MDGA2: variants seen among roughly 807,000 people sequenced by gnomAD.
MDGA2 encodes MAM domain containing glycosylphosphatidylinositol anchor 2, also known as MAM domain-containing glycosylphosphatidylinositol anchor protein 2.
A neutral mutation model predicts 117.8 loss-of-function variants in MDGA2; 40 were observed. The ratio of observed to expected loss-of-function variants is 0.34; its 90% CI spans 0.26 to 0.44. The LOEUF is 0.44. MDGA2 is among the 20% of genes least tolerant of loss of function. MDGA2 has a pLI of 1.00. For missense variants in MDGA2, 1,123 were observed against 1,250.6 expected (o/e 0.90, Z 1.54); for synonymous variants, 452 against 439.0 (o/e 1.03, Z -0.37).
At chr14:47,363,118 T>C (rs912877196) in intron 1 of MDGA2, among the ~76,000 whole-genome samples, 2 of 152,162 alleles carry the variant, frequency 1.3e-5, no homozygotes, top group Non-Finnish European at 2.9e-5. Context: ...AAATATCTAG[T>C]GAGGATGTCT....
At chr14:47,501,766 C>T (rs1160970087) in intron 1 of MDGA2, among the ~76,000 whole-genome samples, 3 of 152,104 alleles carry the variant, frequency 2.0e-5, no homozygotes, top group Non-Finnish European at 4.4e-5. Context: ...ACAGCTCTTT[C>T]CCCAGAACTT....
chr14:46,869,137 T>A (rs928200778), intron 14 of MDGA2, among the ~76,000 whole-genome samples: 5 of 151,952 alleles, frequency 3.3e-5, no homozygotes, highest in African/African-American at 1.2e-4. Flanking sequence ...ACTCCTTTGC[T>A]TTCCCCCTGT....
intron 3 of MDGA2, among the ~76,000 whole-genome samples, chr14:47,166,267 C>G (rs931318917): frequency 1.4e-4 from 21 of 152,048 alleles, no homozygotes; most frequent in Admixed American, 6.6e-5. Flanking sequence ...ATCTCTAGAC[C>G]TCGTGATCTG....
intron 1 of MDGA2, among the ~76,000 whole-genome samples, chr14:47,390,236 C>T (rs1891863215): frequency 6.6e-6 from 1 of 152,132 alleles, no homozygotes; most frequent in South Asian, 2.1e-4. Context: ...TTCACTTCTT[C>T]CTCTTCTCTT....
At chr14:46,907,903 G>C (rs1883559066) in intron 10 of MDGA2, among the ~76,000 whole-genome samples, 2 of 152,066 alleles carry the variant, frequency 1.3e-5, no homozygotes, top group Non-Finnish European at 2.9e-5. Context: ...CGTAGTTAAG[G>C]TACTTTCTGT....
chr14:47,223,309 C>T (rs967485157), intron 2 of MDGA2, among the ~76,000 whole-genome samples: 19 of 152,240 alleles, frequency 1.2e-4, no homozygotes, highest in Middle Eastern at 3.4e-3. Flanking sequence ...CTTAAGTACC[C>T]TCTACATATT....
At chr14:47,375,405 C>T (rs1472177023) in intron 1 of MDGA2, among the ~76,000 whole-genome samples, 1 of 152,014 alleles carries the variant, frequency 6.6e-6, no homozygotes, top group Non-Finnish European at 1.5e-5. Flanking sequence ...GCCAAATAAA[C>T]TCAAAATGCT....
At chr14:47,238,766 C>A (rs1448109231) in intron 2 of MDGA2, among the ~76,000 whole-genome samples, 2 of 151,552 alleles carry the variant, frequency 1.3e-5, no homozygotes, top group Admixed American at 6.6e-5. Context: ...GAGATATATT[C>A]ATTAATTTCT....
intron 1 of MDGA2, among the ~76,000 whole-genome samples, chr14:47,388,333 A>C (rs1891806970): frequency 6.6e-6 from 1 of 152,182 alleles, no homozygotes; most frequent in Non-Finnish European, 1.5e-5. Flanking sequence ...TACTGAAGTA[A>C]ACTGAATCCT....
chr14:46,922,005 A>G (rs1423330668), intron 9 of MDGA2, among the ~76,000 whole-genome samples: 1 of 152,148 alleles, frequency 6.6e-6, no homozygotes, highest in African/African-American at 2.4e-5. Flanking sequence ...ATTCAGTTCT[A>G]AGTAGCCCAT....
intron 3 of MDGA2, among the ~76,000 whole-genome samples, chr14:47,194,445 T>TA (rs1363025707): frequency 5.5e-4 from 84 of 152,238 alleles, no homozygotes; most frequent in Non-Finnish European, 9.4e-4. Context: ...ATATATTTTT[T>TA]TACAGTATCC....
intron 6 of MDGA2, among the ~76,000 whole-genome samples, chr14:47,073,012 T>C (rs1194103537): frequency 6.6e-6 from 1 of 152,202 alleles, no homozygotes; most frequent in Non-Finnish European, 1.5e-5. Flanking sequence ...AACTACTTCC[T>C]TTCCACATGG....
intron 1 of MDGA2, among the ~76,000 whole-genome samples, chr14:47,468,660 G>C (rs954993723): frequency 1.5e-5 from 1 of 65,246 alleles, no homozygotes; most frequent in African/African-American, 4.8e-5. Flanking sequence ...ATTTCTTATG[G>C]TGTTTTTTTT....
intron 6 of MDGA2, among the ~76,000 whole-genome samples, chr14:47,094,470 A>G (rs754163757): frequency 6.6e-6 from 1 of 152,032 alleles, no homozygotes; most frequent in Admixed American, 6.6e-5. Flanking sequence ...CAAAGGGTGC[A>G]TAAGCAACAC....
At chr14:47,417,471 A>C (rs1050549573) in intron 1 of MDGA2, among the ~76,000 whole-genome samples, 6 of 152,122 alleles carry the variant, frequency 3.9e-5, no homozygotes, top group Admixed American at 3.9e-4. Flanking sequence ...ACTTCGACCA[A>C]CATTCTCTCC....
intron 7 of MDGA2, among the ~76,000 whole-genome samples, chr14:47,038,780 C>CAA (rs35953830): frequency 4.2e-5 from 6 of 141,602 alleles, no homozygotes; most frequent in Non-Finnish European, 6.2e-5. Context: ...ACTAAAAATA[C>CAA]AAAAAAAAAA....
At chr14:47,374,145 T>C (rs2138399674) in intron 1 of MDGA2, among the ~76,000 whole-genome samples, 1 of 152,222 alleles carries the variant, frequency 6.6e-6, no homozygotes, top group East Asian at 1.9e-4. Flanking sequence ...AATAGGAACA[T>C]CATCTTTAAT....
chr14:47,578,877 T>C (rs995812428), intron 1 of MDGA2, among the ~76,000 whole-genome samples: 1 of 152,160 alleles, frequency 6.6e-6, no homozygotes, highest in Non-Finnish European at 1.5e-5. Context: ...TGTTTACATT[T>C]TGTACTGCAA....
intron 1 of MDGA2, among the ~76,000 whole-genome samples, chr14:47,626,839 G>C (rs556378334): frequency 6.6e-6 from 1 of 152,210 alleles, no homozygotes; most frequent in Non-Finnish European, 1.5e-5. Context: ...CCTGACGAGC[G>C]CCGCCCCCTG....
Sources: allele counts gnomAD v4.1 joint callset (sites outside exome capture counted in the v4.1 genomes callset), GRCh38; gene constraint gnomAD v4.1.1; transcripts MANE v1.5; gene names NCBI Gene and HGNC (gene_info 2026-07-23, HGNC 2026-07-21).